Variants in ABCD4 observed in about 807,000 individuals in gnomAD.
ABCD4 encodes ATP binding cassette subfamily D member 4.
In ABCD4, 53 loss-of-function variants were observed where a neutral mutation model predicts 86.3. The ratio of observed to expected loss-of-function variants is 0.61; its 90% CI spans 0.49 to 0.77. The LOEUF is 0.77. Ranked by LOEUF, ABCD4 falls within the 30% of genes least tolerant of loss-of-function variation. ABCD4 has a pLI of 0.00. For synonymous variants in ABCD4, 328 were observed against 313.6 expected, an observed-to-expected ratio of 1.05 and a Z score of -0.49; for missense variants, 757 against 764.5, an observed-to-expected ratio of 0.99 and a Z score of 0.12.
rs142443294 is a variant in ABCD4 at position 74,292,286 on chromosome 14, C to G, written c.1118+1G>C. 4 of 1,613,858 alleles carry G rather than the reference C, an allele frequency of 2.5e-6. No individual in the cohort carries two copies. Among genetic ancestry groups the G allele is most frequent in the African/African-American group, 1.3e-5 (1 of 74,938 alleles). ...TACTGCTCTGCCAGCCCGCTACTCA[C>G]GTGTCCAAGCCCCACTCGCTCTCGC... On this transcript the variant is annotated splice_donor_variant, in intron 11 of 18. Coordinates refer to ENST00000356924, the MANE Select transcript of ABCD4 (RefSeq NM_005050.4). LOFTEE classifies it high-confidence loss of function.
Position 74,299,565 on chromosome 14 carries a change from T to C in ABCD4, c.268A>G (p.Ile90Val). The change falls in exon 3 of 19, where the codon ATT becomes GTT. Residue 90 changes from isoleucine to valine, a missense_variant. Coordinates refer to ENST00000356924, the MANE Select transcript of ABCD4 (RefSeq NM_005050.4). ...KTLTFLAVML[I>V]VLNSTLKSFD... ...GATCTTACCGTGGAGTTCAGAACAA[T>C]GAGCATGACAGCCAGGAATGTCAGA... is the stretch of plus-strand genomic sequence containing the variant. 6.2e-7 allele frequency: 1 copy of C among 1,613,680 alleles called. No individual in the cohort carries two copies. Among genetic ancestry groups the C allele is most frequent in the Non-Finnish European group, 8.5e-7 (1 of 1,179,778 alleles).
chr14:74,293,379 A>T, intron 7 of ABCD4, 131 bp from the exon 8 acceptor site: 1 of 747,214 alleles, frequency 1.3e-6, no homozygotes, highest in East Asian at 2.7e-5. Context: ...GGATCTGTCT[A>T]CTGGTAGCGC....
At chr14:74,297,885 A>G (rs2140051478) in intron 4 of ABCD4, 45 bp downstream of exon 4, 1 of 1,567,246 alleles carries the variant, frequency 6.4e-7, no homozygotes, top group Non-Finnish European at 8.6e-7. Context: ...GGCCAGAAGG[A>G]AAGGACCACA....
At chr14:74,289,798 G>T (rs1327984206) in intron 13 of ABCD4, 29 of 1,436,812 alleles carry the variant, frequency 2.0e-5, no homozygotes, top group Non-Finnish European at 2.6e-5. Flanking sequence ...GGTATTTGGC[G>T]TGAGTCCTTG....
chr14:74,297,245 A>C (rs1486271489), intron 4 of ABCD4: 1 of 152,254 alleles, frequency 6.6e-6, no homozygotes, highest in Non-Finnish European at 1.5e-5. Flanking sequence ...AGCACTGTAC[A>C]TGTGCATTAC....
intron 3 of ABCD4, chr14:74,299,333 C>T (rs1269906898): frequency 1.5e-5 from 8 of 527,804 alleles, no homozygotes; most frequent in Non-Finnish European, 2.3e-5. Flanking sequence ...GTGGCCTGGG[C>T]CCAGGAGTGG....
intron 16 of ABCD4, 30 bp from the exon 17 acceptor site, chr14:74,287,916 G>C (rs1341445392): frequency 1.3e-6 from 2 of 1,582,846 alleles, no homozygotes; most frequent in African/African-American, 1.3e-5. Flanking sequence ...AGGACTGCTA[G>C]AGGAGGAAGA....
At position 74,296,350 on chromosome 14, in the gene ABCD4, A is replaced by T; in HGVS notation, c.525T>A (p.Thr175=). The part of the protein sequence containing the change: ...IISPFTLVYY[T]YQCFQSTGWL... ...GGCTTCACCTTTGGAAGCACTGGTA[A>T]GTGTAGTAGACGAGGGTGAACGGGG... The change falls in exon 5 of 19, where the codon ACT becomes ACA. Residue 175 remains threonine, a synonymous_variant. Coordinates refer to ENST00000356924, the MANE Select transcript of ABCD4 (RefSeq NM_005050.4). 1 of 1,614,118 alleles carries T rather than the reference A, an allele frequency of 6.2e-7. No individual in the cohort carries two copies. The highest frequency in any genetic ancestry group is 1.1e-5 in the South Asian group (1 of 91,072).
chr14:74,291,053 TAAGA>T (rs1218230379), intron 11 of ABCD4, among the ~76,000 whole-genome samples: 2 of 151,970 alleles, frequency 1.3e-5, no homozygotes, highest in Non-Finnish European at 2.9e-5. Flanking sequence ...GGTGTCCTCT[TAAGA>T]TAGAGGTGGC....
intron 15 of ABCD4, 97 bp from the exon 16 acceptor site, chr14:74,288,356 CCTCTA>C: frequency 8.2e-7 from 1 of 1,220,782 alleles, no homozygotes; most frequent in Non-Finnish European, 1.2e-6. Context: ...TACACACACA[CCTCTA>C]AGACAAATAT....
intron 7 of ABCD4, 45 bp from the exon 8 acceptor site, chr14:74,293,293 G>A: frequency 1.3e-6 from 2 of 1,592,894 alleles, no homozygotes; most frequent in Non-Finnish European, 1.7e-6. Context: ...GAGAGGTTCA[G>A]CCAGGTTGGG....
At position 74,287,887 on chromosome 14, in the gene ABCD4, C is replaced by T; in HGVS notation, c.1560-1G>A. On this transcript the variant is annotated splice_acceptor_variant, in intron 16 of 18. Coordinates refer to ENST00000356924, the MANE Select transcript of ABCD4 (RefSeq NM_005050.4). LOFTEE classifies it high-confidence loss of function. ...CTCCCCCGGGGACAGAACATCATACCTGAGGAAAGGTAGGAGAGAGGACTG... is the reference window on the plus strand; with the variant it reads ...CTCCCCCGGGGACAGAACATCATACTTGAGGAAAGGTAGGAGAGAGGACTG... The T allele has an allele frequency of 6.2e-7, 1 of 1,612,354 alleles. No homozygotes were observed. Among genetic ancestry groups the T allele is most frequent in the Non-Finnish European group, 8.5e-7 (1 of 1,179,098 alleles).
chr14:74,288,971 GCA>G (rs1297711953), intron 14 of ABCD4: 1 of 908,020 alleles, frequency 1.1e-6, no homozygotes, highest in African/African-American at 1.7e-5. Flanking sequence ...AATTAGGCAG[GCA>G]AGGTGGCGTG....
In ABCD4 at chr14:74,289,572, C is replaced by A. The variant is rs1438598389; in HGVS notation, c.1420-53G>T. ...CTAGGAGGGCGAGCAAAAGACGGAG[C>A]TGCACACAGCCCACCCTCCCTCCAG... On this transcript the variant is annotated intron_variant, in intron 13 of 18. Coordinates refer to ENST00000356924, the MANE Select transcript of ABCD4 (RefSeq NM_005050.4). The A allele has an allele frequency of 3.7e-6, 6 of 1,602,978 alleles. No individual in the cohort carries two copies. In the Admixed American group the frequency reaches 1.0e-4, roughly 27 times the overall value.
chr14:74,299,685 G>C lies in ABCD4; in HGVS notation c.158-10C>G. 1 of 1,609,138 alleles carries C rather than the reference G, an allele frequency of 6.2e-7. No individual in the cohort carries two copies. Among genetic ancestry groups the C allele is most frequent in the Non-Finnish European group, 8.5e-7 (1 of 1,177,420 alleles). On this transcript the variant is annotated splice_polypyrimidine_tract_variant and intron_variant, in intron 2 of 18. Coordinates refer to ENST00000356924, the MANE Select transcript of ABCD4 (RefSeq NM_005050.4). ...TAGATCACAAATTGCTCTGAAAGGA[G>C]GGAGAGGAGTAAGAAATCAGTGATG...
chr14:74,302,335 TAAAGA>T (rs2084828942), intron 1 of ABCD4, among the ~76,000 whole-genome samples: 2 of 152,184 alleles, frequency 1.3e-5, no homozygotes, highest in Non-Finnish European at 2.9e-5. Flanking sequence ...GAAAAAGGTT[TAAAGA>T]AAAATCACAG....
At chr14:74,288,803 C>A in intron 14 of ABCD4, 38 bp from the exon 15 acceptor site, 1 of 1,607,476 alleles carries the variant, frequency 6.2e-7, no homozygotes. Context: ...AAGCCAGAGC[C>A]TCCTGGCTGG....
intron 5 of ABCD4, 149 bp from the exon 6 acceptor site, chr14:74,296,128 G>A (rs2082786666): frequency 2.4e-6 from 3 of 1,229,290 alleles, no homozygotes; most frequent in Non-Finnish European, 3.4e-6. Flanking sequence ...GGGGGCATCT[G>A]GTATGAGCTC....
rs534596852 is a variant in ABCD4, at chr14:74,287,869, G to A, written c.1577C>T (p.Pro526Leu). The stretch of plus-strand genomic sequence containing the variant: ...AAAGGAGAGCCGTTGCATCTCCCCC[G>A]GGGACAGAACATCATACCTGAGGAA... ...VDWNWYDVLS[P>L]GEMQRLSFAR... is the part of the protein sequence containing the mutation. Residue 526 changes from proline (P) to leucine (L), a missense_variant, in exon 17 of 19, where the codon CCG becomes CTG. Physicochemically the swap from Pro to Leu is moderately conservative, Grantham distance 98 (BLOSUM62 -3). Coordinates refer to ENST00000356924, the MANE Select transcript of ABCD4 (RefSeq NM_005050.4). 35 of 1,613,042 alleles carry A rather than the reference G, an allele frequency of 2.2e-5. No homozygotes were observed. Among genetic ancestry groups the A allele is most frequent in the Non-Finnish European group, 1.5e-5 (18 of 1,179,482 alleles).
Sources: gnomAD v4.1 joint callset for allele counts (sites outside exome capture counted in the v4.1 genomes callset) on GRCh38, gnomAD v4.1.1 for gene constraint, MANE v1.5 for transcripts, NCBI Gene and HGNC (gene_info 2026-07-23, HGNC 2026-07-21) for gene names.